The following TERF2 variants were observed in gnomAD, a reference collection of about 807,000 sequenced individuals.
The protein encoded by TERF2 is telomeric repeat binding factor 2.
In TERF2, 16 loss-of-function variants were observed where a neutral mutation model predicts 56.1. That is an observed-to-expected ratio of 0.29 (90% CI 0.19 to 0.43). TERF2 has a LOEUF of 0.43. Among genes scored for constraint, TERF2 ranks in the 20% least tolerant of loss-of-function variants. TERF2 has a pLI of 1.00. For missense variants in TERF2, 547 were observed against 712.9 expected, an observed-to-expected ratio of 0.77 and a Z score of 2.65; for synonymous variants, 296 against 282.1, an observed-to-expected ratio of 1.05 and a Z score of -0.50.
chr16:69,384,670 T>C lies in TERF2; in HGVS notation c.516A>G (p.Glu172=). The change falls in exon 3 of 10, where the codon GAA becomes GAG. Residue 172 remains glutamate, a synonymous_variant. Coordinates refer to ENST00000254942, the MANE Select transcript of TERF2 (RefSeq NM_005652.5). ...FDMEAELTPL[E]SAINVLEMIK... is the part of the protein sequence containing the mutation. Reference sequence around the variant, plus strand: ...TCATCTCCAGCACATTGATAGCTGATTCCAGTGGTGTGAGCTCAGCCTCCA... The same window carrying C: ...TCATCTCCAGCACATTGATAGCTGACTCCAGTGGTGTGAGCTCAGCCTCCA... The C allele has an allele frequency of 1.2e-6, 2 of 1,614,132 alleles. No individual in the cohort carries two copies. The highest frequency in any genetic ancestry group is 1.7e-6 in the Non-Finnish European group (2 of 1,179,982).
intron 3 of TERF2, among the ~76,000 whole-genome samples, chr16:69,378,955 G>GA (rs925678583): frequency 6.6e-6 from 1 of 150,786 alleles, no homozygotes; most frequent in African/African-American, 2.4e-5. Flanking sequence ...TCCTGTGGGG[G>GA]GGGGGAAATT....
chr16:69,371,814 C>CA (rs1320634699), intron 4 of TERF2, among the ~76,000 whole-genome samples: 4 of 150,490 alleles, frequency 2.7e-5, no homozygotes, highest in African/African-American at 4.9e-5. Flanking sequence ...GACTCTGCCT[C>CA]AAAAAAAATA....
At chr16:69,375,621 T>C (rs765436312) in intron 3 of TERF2, among the ~76,000 whole-genome samples, 10 of 152,202 alleles carry the variant, frequency 6.6e-5, no homozygotes, top group Non-Finnish European at 1.3e-4. Context: ...TAGGGTTTTT[T>C]TTTAATTAAT....
chr16:69,370,274 A>AC (rs941050108), intron 5 of TERF2: 10 of 574,948 alleles, frequency 1.7e-5, no homozygotes, highest in African/African-American at 3.8e-5. Context: ...CAGGTGATCC[A>AC]CCCCCCTGGG....
At chr16:69,376,423 T>C (rs982466445) in intron 3 of TERF2, among the ~76,000 whole-genome samples, 1 of 152,206 alleles carries the variant, frequency 6.6e-6, no homozygotes, top group Non-Finnish European at 1.5e-5. Flanking sequence ...GTAATTACTG[T>C]AACTTTCTCA....
intron 7 of TERF2, among the ~76,000 whole-genome samples, chr16:69,364,553 C>T (rs2142720708): frequency 6.6e-6 from 1 of 151,970 alleles, no homozygotes; most frequent in South Asian, 2.1e-4. Flanking sequence ...CATGCAGACT[C>T]TCCTACCTTC....
At chr16:69,363,423 T>C (rs1160354764) in intron 7 of TERF2, among the ~76,000 whole-genome samples, 3 of 152,188 alleles carry the variant, frequency 2.0e-5, no homozygotes, top group African/African-American at 7.2e-5. Flanking sequence ...TCAGGTGATG[T>C]GTTCACTGCC....
At chr16:69,359,132 A>G (rs955995238) in intron 8 of TERF2, among the ~76,000 whole-genome samples, 1 of 152,202 alleles carries the variant, frequency 6.6e-6, no homozygotes, top group East Asian at 1.9e-4. Flanking sequence ...CCATATATGC[A>G]GTCCATCGTT....
intron 5 of TERF2, 154 bp downstream of exon 5, chr16:69,370,329 C>A: frequency 3.6e-6 from 4 of 1,096,074 alleles, no homozygotes; most frequent in Non-Finnish European, 5.1e-6. Flanking sequence ...TTGCGCCTGG[C>A]CTGCTTTTGC....
chr16:69,373,608 G>A (rs2013656782), intron 3 of TERF2, among the ~76,000 whole-genome samples: 1 of 152,130 alleles, frequency 6.6e-6, no homozygotes, highest in South Asian at 2.1e-4. Context: ...AAGGTGGGAG[G>A]ATCGCTTGAG....
chr16:69,361,157 CA>C (rs2013122499), intron 8 of TERF2, among the ~76,000 whole-genome samples: 1 of 151,028 alleles, frequency 6.6e-6, no homozygotes, highest in Admixed American at 6.6e-5. Flanking sequence ...CACTTGAGCC[CA>C]GAAGGTTGAA....
chr16:69,371,345 T>A (rs947762147), intron 4 of TERF2, among the ~76,000 whole-genome samples: 3 of 147,064 alleles, frequency 2.0e-5, no homozygotes, highest in Non-Finnish European at 3.0e-5. Context: ...CTAAAAAATT[T>A]AAAAAATTAG....
In TERF2 at chr16:69,373,773, C is replaced by A. The variant is rs141132240; in HGVS notation, c.607-1418G>T. ...ACTTGGGTCTGGGAGATCGGGGCTG[C>A]AGTGAGCAGTGACTGTACCACTGCA... On this transcript the variant is annotated intron_variant, in intron 3 of 9. Coordinates refer to ENST00000254942, the MANE Select transcript of TERF2 (RefSeq NM_005652.5). Among the ~76,000 whole-genome samples, 12 of 152,288 alleles carry A rather than the reference C, an allele frequency of 7.9e-5. No homozygotes were observed. In the East Asian group the frequency reaches 2.3e-3, roughly 29 times the overall value.
At chr16:69,384,791 T>A in intron 2 of TERF2, 81 bp from the exon 3 acceptor site, 1 of 1,287,378 alleles carries the variant, frequency 7.8e-7, no homozygotes, top group Non-Finnish European at 1.0e-6. Flanking sequence ...TATATATATT[T>A]ATGGAAATGG....
rs907461246 is a variant in TERF2 at position 69,362,205 on chromosome 16, G to A, written c.1341-716C>T. On this transcript the variant is annotated intron_variant, in intron 7 of 9. Transcript: ENST00000254942. ...GCTCTTTCTTCCTTCCATAAGCTCT[G>A]TACTTTCCTGCCTCTCTGTAGCCCC... Among the ~76,000 whole-genome samples the A allele has an allele frequency of 2.1e-4, 32 of 151,810 alleles. No homozygotes were observed. The Middle Eastern group carries it at 0.01, about 48-fold the overall frequency.
At chr16:69,361,905 C>G (rs2013155032) in intron 7 of TERF2, among the ~76,000 whole-genome samples, 1 of 103,530 alleles carries the variant, frequency 9.7e-6, no homozygotes, top group Non-Finnish European at 2.2e-5. Flanking sequence ...CCCCCTTGTT[C>G]AAGCTCACGG....
In TERF2 at chr16:69,367,180, T is replaced by C. The variant is rs773317478; in HGVS notation, c.967A>G (p.Thr323Ala). 1.9e-6 allele frequency: 3 copies of C among 1,609,356 alleles called. No individual in the cohort carries two copies. The highest frequency in any genetic ancestry group is 1.1e-5 in the South Asian group (1 of 90,974). Residue 323 changes from threonine to alanine, a missense_variant, in exon 7 of 10, where the codon ACC (threonine) becomes GCC (alanine). Transcript: ENST00000254942. ...TTCAGAGTCATCATTCCAATGGTGGTTGGAGGATTCCGTAGCTGCCTGCAA... is the reference window on the plus strand; with the variant it reads ...TTCAGAGTCATCATTCCAATGGTGGCTGGAGGATTCCGTAGCTGCCTGCAA... ...EPARQLRNPP[T>A]TIGMMTLKAA...
At position 69,356,714 on chromosome 16, in the gene TERF2, G is replaced by A; in HGVS notation, c.*184C>T. ...ACTCGGGAGGCTGAGGCAGGAGAAT[G>A]GCGTGAGCCCGGGAGACGGAGGTCG... On this transcript the variant is annotated 3_prime_UTR_variant, in exon 10 of 10. Coordinates refer to ENST00000254942, the MANE Select transcript of TERF2 (RefSeq NM_005652.5). 1 of 573,650 alleles carries A rather than the reference G, an allele frequency of 1.7e-6. No individual in the cohort carries two copies. The highest frequency in any genetic ancestry group is 2.8e-6 in the Non-Finnish European group (1 of 354,214). 35.5% of individuals were successfully genotyped at this position (573,650 alleles called of 1,614,324 possible). A position where few individuals can be genotyped will look rare whatever the true frequency, so the allele number is the denominator to read the frequency against.
In TERF2 at chr16:69,385,946, C is replaced by G; in HGVS notation, c.26G>C (p.Gly9Ala). 7.3e-7 allele frequency: 1 copy of G among 1,363,402 alleles called. No homozygotes were observed. Among genetic ancestry groups the G allele is most frequent in the Non-Finnish European group, 9.5e-7 (1 of 1,057,882 alleles). The allele number at this position is 1,363,402 out of a possible 1,614,324, so 84.5% of individuals were successfully genotyped here. The part of the protein sequence containing the change: MAAGAGTA[G>A]PASGPGVVRD... ...CACGACGCCCGGGCCGGAAGCGGGG[C>G]CCGCCGTCCCGGCTCCCGCGGCCAT... is the stretch of plus-strand genomic sequence containing the variant. Residue 9 changes from glycine to alanine, a missense_variant, in exon 1 of 10, where the codon GGC becomes GCC. Physicochemically the swap from Gly to Ala is moderately conservative, Grantham distance 60. Coordinates refer to ENST00000254942, the MANE Select transcript of TERF2 (RefSeq NM_005652.5).
Sources: allele counts gnomAD v4.1 joint callset (sites outside exome capture counted in the v4.1 genomes callset), GRCh38; gene constraint gnomAD v4.1.1; transcripts MANE v1.5; gene names NCBI Gene and HGNC (gene_info 2026-07-23, HGNC 2026-07-21).